The following NXPE3 variants were observed in gnomAD, a reference collection of about 807,000 sequenced individuals.
NXPE3 encodes the protein neurexophilin and PC-esterase domain family member 3.
A neutral mutation model predicts 46.1 loss-of-function variants in NXPE3; 26 were observed. That is an observed-to-expected ratio of 0.56 (90% CI 0.41 to 0.78). The LOEUF (loss-of-function observed/expected upper bound fraction) is 0.78, where lower values mean the gene tolerates loss of function less well. NXPE3 is among the 30% of genes least tolerant of loss of function. NXPE3 has a pLI of 0.00. For synonymous variants in NXPE3, 272 were observed against 257.9 expected, an observed-to-expected ratio of 1.05 and a Z score of -0.52; for missense variants, 620 against 686.0, an observed-to-expected ratio of 0.90 and a Z score of 1.07.
At chr3:101,819,114 T>C (rs2107355552) in intron 7 of NXPE3, among the ~76,000 whole-genome samples, 1 of 152,184 alleles carries the variant, frequency 6.6e-6, no homozygotes, top group Non-Finnish European at 1.5e-5. Context: ...GACCGTGAAC[T>C]CACTGAGGGC....
intron 1 of NXPE3, among the ~76,000 whole-genome samples, chr3:101,780,577 G>A (rs891027481): frequency 6.6e-6 from 1 of 152,140 alleles, no homozygotes; most frequent in Non-Finnish European, 1.5e-5. Context: ...TTTAAAAAAA[G>A]CTACTTCTTG....
intron 4 of NXPE3, among the ~76,000 whole-genome samples, chr3:101,786,288 A>G (rs933989875): frequency 1.9e-4 from 29 of 152,224 alleles, no homozygotes; most frequent in Admixed American, 1.6e-3. Context: ...TTCTGTATAA[A>G]GGATGCTGTC....
chr3:101,821,621 C>T lies in NXPE3; in HGVS notation c.1347C>T (p.Ser449=), dbSNP rs778263811. The change falls in exon 8 of 8, where the codon AGC becomes AGT. Residue 449 remains serine, a synonymous_variant. Coordinates refer to ENST00000273347, the MANE Select transcript of NXPE3 (RefSeq NM_145037.4). ...VVAIAVWSHF[S]TFPLEVYIRR... ...CCATAGCTGTATGGTCTCACTTCAG[C>T]ACCTTCCCTTTGGAAGTGTACATCC... The T allele has an allele frequency of 8.1e-6, 13 of 1,614,254 alleles. No homozygotes were observed. Among genetic ancestry groups the T allele is most frequent in the Non-Finnish European group, 1.1e-5 (13 of 1,180,050 alleles).
chr3:101,783,829 T>A (rs1939982387), intron 3 of NXPE3, among the ~76,000 whole-genome samples: 1 of 152,200 alleles, frequency 6.6e-6, no homozygotes, highest in South Asian at 2.1e-4. Context: ...GGGACCCTGA[T>A]GACAGAGTTA....
chr3:101,791,507 T>C (rs1940516563), intron 4 of NXPE3, among the ~76,000 whole-genome samples: 1 of 152,164 alleles, frequency 6.6e-6, no homozygotes, highest in African/African-American at 2.4e-5. Flanking sequence ...TGCCTCAGCC[T>C]CCCAAGTAAC....
intron 7 of NXPE3, among the ~76,000 whole-genome samples, chr3:101,820,445 G>A (rs1276434260): frequency 1.3e-5 from 2 of 152,142 alleles, no homozygotes; most frequent in Admixed American, 6.5e-5. Context: ...AAATTAATTC[G>A]ATCATTGTGG....
At position 101,808,854 on chromosome 3, in the gene NXPE3, T is replaced by TATATATATATATACATATATATATAC. The variant is rs770360739; in HGVS notation, c.922+1730_922+1731insATATATATATACATATATATATACAT. Among the ~76,000 whole-genome samples, 79 of 100,330 alleles carry TATATATATATATACATATATATATAC rather than the reference T, an allele frequency of 7.9e-4. 8 individuals carry two copies. The highest frequency in any genetic ancestry group is 1.2e-3 in the Non-Finnish European group (59 of 48,092). The allele number at this position is 100,330 out of a possible 152,430, so 65.8% of individuals were successfully genotyped here. On this transcript the variant is annotated intron_variant, in intron 6 of 7. Transcript: ENST00000273347. ...ATATATATATATATATATATATATA[T>TATATATATATATACATATATATATAC]ATGAGACATTTATCTTTTATCTGTT... is the stretch of plus-strand genomic sequence containing the variant.
chr3:101,818,753 A>ATTT (rs1186102474), intron 7 of NXPE3, among the ~76,000 whole-genome samples: 5 of 12,256 alleles, frequency 4.1e-4, no homozygotes, highest in African/African-American at 5.0e-4. Context: ...ATATATATAT[A>ATTT]TTTTTTTTTT....
chr3:101,785,313 G>T, intron 3 of NXPE3, 89 bp from the exon 4 acceptor site: 1 of 354,414 alleles, frequency 2.8e-6, no homozygotes, highest in South Asian at 2.8e-5. Flanking sequence ...CTTAGATAAG[G>T]TTAAGGAAGA....
intron 4 of NXPE3, among the ~76,000 whole-genome samples, chr3:101,794,852 C>A (rs62280784): frequency 0.027 from 4,106 of 152,276 alleles, 89 homozygotes; most frequent in Non-Finnish European, 0.042. Context: ...TTAATGCCAG[C>A]TAAAGGCTCT....
In NXPE3 at chr3:101,822,026, C is replaced by T; in HGVS notation, c.*72C>T. On this transcript the variant is annotated 3_prime_UTR_variant, in exon 8 of 8. Transcript: ENST00000273347. The stretch of plus-strand genomic sequence containing the variant: ...ATTGACCTGAGTTACAGAAAGTGGC[C>T]CCAGTGAGAGATGACTGCCCTTAAT... 1.4e-6 allele frequency: 2 copies of T among 1,413,352 alleles called. No individual in the cohort carries two copies. Among genetic ancestry groups the T allele is most frequent in the Non-Finnish European group, 2.0e-6 (2 of 1,025,470 alleles). The allele number at this position is 1,413,352 out of a possible 1,614,324, so 87.6% of individuals were successfully genotyped here. A position where few individuals can be genotyped will look rare whatever the true frequency, so the allele number is the denominator to read the frequency against.
intron 4 of NXPE3, among the ~76,000 whole-genome samples, chr3:101,795,213 A>G (rs899376498): frequency 1.3e-5 from 2 of 152,188 alleles, no homozygotes; most frequent in African/African-American, 4.8e-5. Context: ...CGCAGACTCA[A>G]TTGTAATGAA....
At chr3:101,804,831 G>T (rs1179744198) in intron 5 of NXPE3, among the ~76,000 whole-genome samples, 5 of 152,030 alleles carry the variant, frequency 3.3e-5, no homozygotes, top group Non-Finnish European at 7.4e-5. Context: ...GGACAACAGG[G>T]GTTTCCTTAA....
At chr3:101,804,756 G>A (rs887958940) in intron 5 of NXPE3, among the ~76,000 whole-genome samples, 1 of 152,040 alleles carries the variant, frequency 6.6e-6, no homozygotes, top group Non-Finnish European at 1.5e-5. Flanking sequence ...AATGACAGTT[G>A]AACAATTAAA....
At chr3:101,795,134 C>T (rs1940750060) in intron 4 of NXPE3, among the ~76,000 whole-genome samples, 1 of 152,194 alleles carries the variant, frequency 6.6e-6, no homozygotes, top group Non-Finnish European at 1.5e-5. Flanking sequence ...ACTCTCTAAT[C>T]CCTTTCCATA....
At chr3:101,818,627 A>C (rs924885443) in intron 7 of NXPE3, among the ~76,000 whole-genome samples, 1 of 149,974 alleles carries the variant, frequency 6.7e-6, no homozygotes, top group East Asian at 1.9e-4. Flanking sequence ...GCTAAGTAGT[A>C]GTTAGGTAGG....
chr3:101,793,953 G>T (rs1326062189), intron 4 of NXPE3, among the ~76,000 whole-genome samples: 1 of 151,806 alleles, frequency 6.6e-6, no homozygotes, highest in Non-Finnish European at 1.5e-5. Flanking sequence ...GCTCCACCGG[G>T]GCTCCTCTTC....
rs769529854 is a variant in NXPE3, at chr3:101,810,892, G to A, written c.922+3766G>A. 9.2e-5 allele frequency among the ~76,000 whole-genome samples: 14 copies of A among 151,910 alleles called. No homozygotes were observed. In the South Asian group the frequency reaches 2.1e-3, roughly 23 times the overall value. ...TGCCCAGGCTGGAGTGCAGTGGTGCGATCCTGGCTCACTGCAAACCTCTGC... is the reference window on the plus strand; with the variant it reads ...TGCCCAGGCTGGAGTGCAGTGGTGCAATCCTGGCTCACTGCAAACCTCTGC... On this transcript the variant is annotated intron_variant, in intron 6 of 7. Transcript: ENST00000273347.
intron 7 of NXPE3, among the ~76,000 whole-genome samples, chr3:101,820,955 T>A (rs1942219749): frequency 6.6e-6 from 1 of 152,136 alleles, no homozygotes; most frequent in South Asian, 2.1e-4. Flanking sequence ...TGAAATAATA[T>A]GTGACACATT....
Sources: allele counts gnomAD v4.1 joint callset (sites outside exome capture counted in the v4.1 genomes callset), GRCh38; gene constraint gnomAD v4.1.1; transcripts MANE v1.5; gene names NCBI Gene and HGNC (gene_info 2026-07-23, HGNC 2026-07-21).